The following PDE6A variants were observed in gnomAD, a reference collection of about 807,000 sequenced individuals.
PDE6A encodes the protein rod cGMP-specific 3',5'-cyclic phosphodiesterase subunit alpha.
Under a neutral mutation model 106.3 loss-of-function variants are expected in PDE6A, and 84 were observed. That is an observed-to-expected ratio of 0.79 (90% CI 0.66 to 0.95). The LOEUF (loss-of-function observed/expected upper bound fraction) is 0.95, where lower values mean the gene tolerates loss of function less well. PDE6A is among the 40% of genes least tolerant of loss of function. PDE6A has a pLI of 0.00. For synonymous variants in PDE6A, 394 were observed against 386.6 expected, an observed-to-expected ratio of 1.02 and a Z score of -0.23; for missense variants, 1,052 against 1,084.9, an observed-to-expected ratio of 0.97 and a Z score of 0.43.
At chr5:149,918,548 A>G (rs1189005287) in intron 5 of PDE6A, among the ~76,000 whole-genome samples, 1 of 152,166 alleles carries the variant, frequency 6.6e-6, no homozygotes, top group African/African-American at 2.4e-5. Flanking sequence ...CACTGTGCTC[A>G]TATATTATTT....
chr5:149,901,482 C>G (rs1009119456), intron 8 of PDE6A, among the ~76,000 whole-genome samples: 2 of 152,086 alleles, frequency 1.3e-5, no homozygotes. Context: ...GAGCCGAGAT[C>G]GTGCCACTGT....
intron 17 of PDE6A, among the ~76,000 whole-genome samples, chr5:149,874,935 C>A (rs766598945): frequency 6.6e-6 from 1 of 152,096 alleles, no homozygotes; most frequent in East Asian, 1.9e-4. Context: ...AAAGTAGGCA[C>A]CACCATGATC....
At chr5:149,908,647 T>C (rs1753276959) in intron 6 of PDE6A, among the ~76,000 whole-genome samples, 1 of 152,226 alleles carries the variant, frequency 6.6e-6, no homozygotes, top group South Asian at 2.1e-4. Flanking sequence ...TTTACTCATT[T>C]TTAAAAATTA....
intron 20 of PDE6A, among the ~76,000 whole-genome samples, chr5:149,864,679 T>C (rs573647154): frequency 6.6e-5 from 10 of 152,342 alleles, no homozygotes; most frequent in African/African-American, 2.4e-4. Flanking sequence ...GAAATTGAGA[T>C]GCAGATTGAT....
chr5:149,927,629 A>G (rs1753899903), intron 4 of PDE6A, among the ~76,000 whole-genome samples: 1 of 151,806 alleles, frequency 6.6e-6, no homozygotes, highest in South Asian at 2.1e-4. Context: ...AAAATTTTTT[A>G]TTTTTAAAAA....
chr5:149,897,605 G>T (rs780211243), intron 10 of PDE6A, among the ~76,000 whole-genome samples: 5 of 151,858 alleles, frequency 3.3e-5, no homozygotes, highest in Non-Finnish European at 2.9e-5. Flanking sequence ...TTTTTTTCTG[G>T]TCTCACTCTG....
intron 6 of PDE6A, among the ~76,000 whole-genome samples, chr5:149,912,510 T>C (rs1316581731): frequency 6.6e-6 from 1 of 152,190 alleles, no homozygotes; most frequent in East Asian, 1.9e-4. Context: ...AATGTGAGTA[T>C]AAGTGCTATG....
chr5:149,863,370 C>T lies in PDE6A; in HGVS notation c.2359-104G>A, dbSNP rs1040798035. 3.6e-5 allele frequency: 43 copies of T among 1,209,526 alleles called. No individual in the cohort carries two copies. Among genetic ancestry groups the T allele is most frequent in the East Asian group, 4.9e-5 (2 of 41,186 alleles). 74.9% of individuals were successfully genotyped at this position (1,209,526 alleles called of 1,614,324 possible). A position where few individuals can be genotyped will look rare whatever the true frequency, so the allele number is the denominator to read the frequency against. On this transcript the variant is annotated intron_variant, in intron 20 of 21. Transcript: ENST00000255266. The surrounding 1 kb of genome is among the most constrained non-coding windows in gnomAD (Gnocchi z 4.7). ...CGTCCAACACTGGAATGAGCTGCTTCGGAGTAGCAGGCCTCCCGCCACCGT... is the reference window on the plus strand; with the variant it reads ...CGTCCAACACTGGAATGAGCTGCTTTGGAGTAGCAGGCCTCCCGCCACCGT...
chr5:149,925,029 T>C (rs1753832669), intron 4 of PDE6A, among the ~76,000 whole-genome samples: 1 of 152,174 alleles, frequency 6.6e-6, no homozygotes. Context: ...TTCACATCAG[T>C]TCAATTCCTA....
chr5:149,921,744 A>G, intron 4 of PDE6A, 35 bp from the exon 5 acceptor site: 1 of 1,538,652 alleles, frequency 6.5e-7, no homozygotes, highest in Non-Finnish European at 9.0e-7. Flanking sequence ...ACATGTTTTG[A>G]AAAGAGATCA....
chr5:149,871,648 G>A (rs1760557656), intron 17 of PDE6A, among the ~76,000 whole-genome samples: 2 of 152,168 alleles, frequency 1.3e-5, no homozygotes, highest in Non-Finnish European at 2.9e-5. Flanking sequence ...CTCCACAGAG[G>A]AGCAGGGGCG....
In PDE6A at chr5:149,899,421, C is replaced by G; in HGVS notation, c.1217G>C (p.Arg406Pro). ...TTCATCAAAGGGCTTCCCATCTTTA[C>G]GATTGTAAAATGTGGCCACTCCAAC... ...EIVGVATFYNRKDGKPFDEMD... is the reference protein window; with the variant it reads ...EIVGVATFYNPKDGKPFDEMD... Residue 406 changes from arginine (R) to proline (P), a missense_variant, in exon 9 of 22, where the codon CGT becomes CCT. By Grantham distance (103) the Arg-to-Pro change is moderately radical. Transcript: ENST00000255266. 1 of 1,614,136 alleles carries G rather than the reference C, an allele frequency of 6.2e-7. No individual in the cohort carries two copies. The highest frequency in any genetic ancestry group is 8.5e-7 in the Non-Finnish European group (1 of 1,179,980).
At chr5:149,869,514 G>A (rs1409971398) in intron 17 of PDE6A, among the ~76,000 whole-genome samples, 2 of 152,178 alleles carry the variant, frequency 1.3e-5, no homozygotes, top group Non-Finnish European at 2.9e-5. Context: ...GCAAGAGGAG[G>A]GAGCAAGGGG....
At chr5:149,923,505 TAACATAACATA>T (rs1476884962) in intron 4 of PDE6A, among the ~76,000 whole-genome samples, 93 of 2,954 alleles carry the variant, frequency 0.031, no homozygotes, top group Non-Finnish European at 0.035. Context: ...CTCAAATAAA[TAACATAACATA>T]ACATAACATA....
At chr5:149,931,781 G>C (rs1386544645) in intron 3 of PDE6A, among the ~76,000 whole-genome samples, 3 of 152,114 alleles carry the variant, frequency 2.0e-5, no homozygotes, top group African/African-American at 7.2e-5. Flanking sequence ...TGTGTGGACC[G>C]ATGAGGCAAA....
chr5:149,929,688 T>C (rs1753974160), intron 4 of PDE6A, among the ~76,000 whole-genome samples: 1 of 152,042 alleles, frequency 6.6e-6, no homozygotes, highest in Admixed American at 6.5e-5. Context: ...ATTTCATATA[T>C]ATGAACCTCA....
intron 3 of PDE6A, chr5:149,932,304 A>T (rs775078097): frequency 1.4e-6 from 2 of 1,439,924 alleles, no homozygotes; most frequent in African/African-American, 2.8e-5. Flanking sequence ...TAGTCGGCCA[A>T]CTGCACGGAT....
chr5:149,922,547 G>C lies in PDE6A; in HGVS notation c.859-838C>G, dbSNP rs1326399823. On this transcript the variant is annotated intron_variant, in intron 4 of 21. Transcript: ENST00000255266. ...GGCTAGTCTCGAACTCCAGACCTCA[G>C]GTGATCCATCTGCCTCAGCCTCCCA... Among the ~76,000 whole-genome samples the C allele has an allele frequency of 2.0e-5, 3 of 151,990 alleles. No homozygotes were observed. The South Asian group carries it at 6.2e-4, about 32-fold the overall frequency.
chr5:149,882,664 T>C (rs940322231), intron 17 of PDE6A, among the ~76,000 whole-genome samples: 1 of 152,106 alleles, frequency 6.6e-6, no homozygotes, highest in Non-Finnish European at 1.5e-5. Context: ...CATAACCAAT[T>C]TGTGACTAGC....
Sources: allele counts gnomAD v4.1 joint callset (sites outside exome capture counted in the v4.1 genomes callset), GRCh38; gene constraint gnomAD v4.1.1; non-coding constraint Gnocchi (gnomAD v3.1); transcripts MANE v1.5; gene names NCBI Gene and HGNC (gene_info 2026-07-23, HGNC 2026-07-21).